ZNF680: variants seen among roughly 807,000 people sequenced by gnomAD.
ZNF680 encodes the protein hypothetical protein FLJ90430.
ZNF680 carries 6 observed loss-of-function variants against 12.1 expected under a neutral mutation model. That is an observed-to-expected ratio of 0.49 (90% confidence interval 0.27 to 0.98). The LOEUF (loss-of-function observed/expected upper bound fraction) is 0.98. Ranked by LOEUF, ZNF680 falls within the 50% of genes least tolerant of loss-of-function variation. The pLI is 0.12. For missense variants in ZNF680, 561 were observed against 616.3 expected, an observed-to-expected ratio of 0.91 and a Z score of 0.95; for synonymous variants, 170 against 199.3, an observed-to-expected ratio of 0.85 and a Z score of 1.24.
intron 3 of ZNF680, among the ~76,000 whole-genome samples, chr7:64,532,404 T>G (rs553646958): frequency 1.3e-5 from 2 of 152,126 alleles, no homozygotes; most frequent in East Asian, 3.9e-4. Context: ...AAAAGATCAT[T>G]CAAGGCTACG....
At chr7:64,561,088 C>T (rs1787709467) in intron 1 of ZNF680, 1 of 151,890 alleles carries the variant, frequency 6.6e-6, no homozygotes, top group Admixed American at 6.6e-5. Context: ...CTATGTTTTT[C>T]CCTCAATACC....
At chr7:64,543,063 C>T (rs930658569) in intron 3 of ZNF680, among the ~76,000 whole-genome samples, 4 of 151,144 alleles carry the variant, frequency 2.6e-5, no homozygotes, top group African/African-American at 9.7e-5. Context: ...GTTAAAGTGC[C>T]ATATTATCCA....
chr7:64,505,260 TATC>T, the ZNF680 span, among the ~76,000 whole-genome samples: 2 of 152,268 alleles, frequency 1.3e-5, no homozygotes, highest in Admixed American at 1.3e-4. Flanking sequence ...TTGTTACTTT[TATC>T]ATGTTAAACT....
chr7:64,559,783 G>T (rs1276864808), intron 1 of ZNF680, among the ~76,000 whole-genome samples: 1 of 151,898 alleles, frequency 6.6e-6, no homozygotes, highest in East Asian at 1.9e-4. Context: ...TGCCTGGCCA[G>T]GGAGGACTTT....
At chr7:64,501,624 G>A in the ZNF680 span, 3 of 812,614 alleles carry the variant, frequency 3.7e-6, no homozygotes, top group East Asian at 2.7e-5. Flanking sequence ...GGATGATGAT[G>A]ATAATGAAGG....
chr7:64,547,567 G>A (rs943415840), intron 1 of ZNF680, among the ~76,000 whole-genome samples: 10 of 152,248 alleles, frequency 6.6e-5, no homozygotes, highest in Non-Finnish European at 1.3e-4. Flanking sequence ...GGTATGAGGT[G>A]TTCAATAAAT....
intron 3 of ZNF680, among the ~76,000 whole-genome samples, chr7:64,534,636 T>C (rs1786062518): frequency 6.6e-6 from 1 of 152,190 alleles, no homozygotes; most frequent in African/African-American, 2.4e-5. Context: ...AGAACTACCA[T>C]TTGACCCAGC....
chr7:64,561,729 T>C (rs1255981181), intron 1 of ZNF680, among the ~76,000 whole-genome samples: 8 of 150,862 alleles, frequency 5.3e-5, no homozygotes, highest in African/African-American at 2.0e-4. Context: ...GGTCAGGAGA[T>C]CAAGACCATC....
At chr7:64,530,087 C>G (rs1785782427) in intron 3 of ZNF680, among the ~76,000 whole-genome samples, 1 of 152,106 alleles carries the variant, frequency 6.6e-6, no homozygotes, top group Non-Finnish European at 1.5e-5. Flanking sequence ...TAGTCTTTTT[C>G]AGACAAACAA....
At chr7:64,509,042 T>C in the ZNF680 span, among the ~76,000 whole-genome samples, 2 of 152,120 alleles carry the variant, frequency 1.3e-5, no homozygotes, top group African/African-American at 4.8e-5. Flanking sequence ...CCTCCCCCTC[T>C]CCATTTGTTT....
chr7:64,552,399 A>G (rs1584400832), intron 1 of ZNF680, among the ~76,000 whole-genome samples: 2 of 152,298 alleles, frequency 1.3e-5, no homozygotes, highest in African/African-American at 4.8e-5. Flanking sequence ...TTTTGTTTAT[A>G]TGGTGGAACA....
intron 1 of ZNF680, among the ~76,000 whole-genome samples, chr7:64,554,461 G>A (rs1415441359): frequency 2.0e-5 from 3 of 152,048 alleles, no homozygotes; most frequent in African/African-American, 4.8e-5. Flanking sequence ...GTGGGGGGGC[G>A]CCTCTGACCG....
intron 3 of ZNF680, among the ~76,000 whole-genome samples, chr7:64,539,351 C>CAAAAAAAAAAAAAAAAAAAAAAAAAA (rs1170166478): frequency 2.1e-5 from 1 of 48,498 alleles, no homozygotes. Flanking sequence ...AACTTCGTCT[C>CAAAAAAAAAAAAAAAAAAAAAAAAAA]AAAAAAAAAA....
At chr7:64,501,036 G>T in the ZNF680 span, 1 of 720,892 alleles carries the variant, frequency 1.4e-6, no homozygotes, top group Non-Finnish European at 2.5e-6. Flanking sequence ...GAAGAGAGAA[G>T]GGCAGAATAA....
At chr7:64,553,765 T>C (rs538589257) in intron 1 of ZNF680, among the ~76,000 whole-genome samples, 68 of 152,324 alleles carry the variant, frequency 4.5e-4, no homozygotes, top group African/African-American at 1.5e-3. Context: ...TTCGCATTTT[T>C]TGGTGGAGAC....
At chr7:64,548,543 C>G (rs1232173023) in intron 1 of ZNF680, among the ~76,000 whole-genome samples, 1 of 152,094 alleles carries the variant, frequency 6.6e-6, no homozygotes. Flanking sequence ...GTCTCCAGAC[C>G]CTTTCCTTTT....
intron 3 of ZNF680, among the ~76,000 whole-genome samples, chr7:64,531,208 C>A (rs1332227167): frequency 6.6e-6 from 1 of 152,096 alleles, no homozygotes; most frequent in Non-Finnish European, 1.5e-5. Flanking sequence ...AAACTTTCTC[C>A]AAGATAGACC....
At chr7:64,534,800 G>GTA (rs1786071168) in intron 3 of ZNF680, among the ~76,000 whole-genome samples, 1 of 152,074 alleles carries the variant, frequency 6.6e-6, no homozygotes, top group Non-Finnish European at 1.5e-5. Flanking sequence ...AGAAACTGTG[G>GTA]TATATATATA....
At chr7:64,502,307 G>A in the ZNF680 span, among the ~76,000 whole-genome samples, 1 of 151,990 alleles carries the variant, frequency 6.6e-6, no homozygotes. Flanking sequence ...CACCTTGCCC[G>A]GCCGGATTTA....
Sources: gnomAD v4.1 joint callset for allele counts (sites outside exome capture counted in the v4.1 genomes callset) on GRCh38, gnomAD v4.1.1 for gene constraint, MANE v1.5 for transcripts, NCBI Gene and HGNC (gene_info 2026-07-23, HGNC 2026-07-21) for gene names.